Variants in NFIA observed in about 807,000 individuals in gnomAD.
The protein encoded by NFIA is nuclear factor I A, also known as nuclear factor 1 A-type.
In NFIA, 8 loss-of-function variants were observed where a neutral mutation model predicts 62.8. The observed-to-expected ratio is 0.13, with a 90% CI of 0.07 to 0.23. The LOEUF is 0.23. Ranked by LOEUF, NFIA falls within the 10% of genes least tolerant of loss-of-function variation. The pLI is 1.00. For synonymous variants in NFIA, 235 were observed against 238.1 expected, an observed-to-expected ratio of 0.99 and a Z score of 0.12; for missense variants, 410 against 642.1, an observed-to-expected ratio of 0.64 and a Z score of 3.91.
rs1668272417 is a variant in NFIA at position 61,455,686 on chromosome 1, C to T, written c.*366C>T. ...TTCCTGTTGTAACACACTTTCCTTA[C>T]GGAGCCTGGCTGTTTCACAGTATTT... On this transcript the variant is annotated 3_prime_UTR_variant, in exon 11 of 11. Coordinates refer to ENST00000403491, the MANE Select transcript of NFIA (RefSeq NM_001134673.4). The T allele has an allele frequency of 9.6e-6, 3 of 312,178 alleles. No individual in the cohort carries two copies. The highest frequency in any genetic ancestry group is 8.4e-5 in the South Asian group (1 of 11,842). The allele number at this position is 312,178 out of a possible 1,614,324, so 19.3% of individuals were successfully genotyped here.
intron 6 of NFIA, among the ~76,000 whole-genome samples, chr1:61,366,358 A>G (rs1028347508): frequency 5.0e-4 from 76 of 152,346 alleles, no homozygotes; most frequent in African/African-American, 1.7e-3. Flanking sequence ...GAAGTTCAGT[A>G]CTGTGTTTCA....
At position 61,088,360 on chromosome 1, in the gene NFIA, G is replaced by A. The variant is rs867553973; in HGVS notation, c.239G>A (p.Arg80Gln). The change falls in exon 2 of 11, where the codon CGG (arginine) becomes CAG (glutamine). Residue 80 changes from arginine (R) to glutamine (Q), a missense_variant. Arg to Gln is a conservative substitution (Grantham distance 43, BLOSUM62 1). Around this residue, in one of 3 missense-constraint regions of NFIA, gnomAD observed 86 missense variants for 124.6 expected, o/e 0.69. Coordinates refer to ENST00000403491, the MANE Select transcript of NFIA (RefSeq NM_001134673.4). The surrounding 1 kb of genome is among the most constrained non-coding windows in gnomAD (Gnocchi z 4.5). The stretch of plus-strand genomic sequence containing the variant: ...GCATCTCGACTTCTGGCAAAGTTGC[G>A]GAAAGATATCCGACCCGAATATCGA... ...KWASRLLAKL[R>Q]KDIRPEYRED... The A allele has an allele frequency of 1.2e-6, 2 of 1,613,576 alleles. No homozygotes were observed. Among genetic ancestry groups the A allele is most frequent in the Admixed American group, 1.7e-5 (1 of 59,938 alleles).
intron 2 of NFIA, among the ~76,000 whole-genome samples, chr1:61,148,443 C>G (rs570929655): frequency 6.6e-6 from 1 of 152,264 alleles, no homozygotes; most frequent in African/African-American, 2.4e-5. Flanking sequence ...GACTTAGCAC[C>G]TTCTAGAAGA....
At position 61,262,078 on chromosome 1, in the gene NFIA, T is replaced by A. The variant is rs566033030; in HGVS notation, c.560-15442T>A. ...CATTTGATGTTCTGCATGAATTTCT[T>A]CTCTAAGAGTCTTGGGACTTTTAAT... On this transcript the variant is annotated intron_variant, in intron 2 of 10. Transcript: ENST00000403491. Among the ~76,000 whole-genome samples the A allele has an allele frequency of 1.2e-3, 177 of 152,304 alleles. 2 individuals carry two copies. Among genetic ancestry groups the A allele is most frequent in the African/African-American group, 4.0e-3 (166 of 41,570 alleles).
chr1:61,080,287 A>T (rs573571381), upstream of NFIA, among the ~76,000 whole-genome samples: 120 of 132,026 alleles, frequency 9.1e-4, 3 homozygotes, highest in South Asian at 0.026. Context: ...TTCCCCCATT[A>T]AAAAAAAAAA....
intron 2 of NFIA, among the ~76,000 whole-genome samples, chr1:61,201,838 A>T (rs1453759145): frequency 6.6e-6 from 1 of 152,186 alleles, no homozygotes; most frequent in African/African-American, 2.4e-5. Flanking sequence ...CCAAATAAAA[A>T]CTGTCAAATA....
intron 2 of NFIA, among the ~76,000 whole-genome samples, chr1:61,272,773 C>G (rs778392598): frequency 1.3e-5 from 2 of 152,168 alleles, no homozygotes; most frequent in Non-Finnish European, 2.9e-5. Context: ...AAAGTATTCA[C>G]TCCTGTCTTT....
chr1:61,291,572 G>C (rs2100309221), intron 3 of NFIA, among the ~76,000 whole-genome samples: 1 of 152,312 alleles, frequency 6.6e-6, no homozygotes, highest in Non-Finnish European at 1.5e-5. Flanking sequence ...TAGAGGACAA[G>C]GAAACTGAGG....
At chr1:61,264,165 G>C (rs189890874) in intron 2 of NFIA, among the ~76,000 whole-genome samples, 4 of 152,194 alleles carry the variant, frequency 2.6e-5, no homozygotes, top group Admixed American at 2.6e-4. Flanking sequence ...TTAATCAATA[G>C]TCATTCTTTA....
chr1:61,332,362 G>A lies in NFIA; in HGVS notation c.626-150G>A, dbSNP rs1661341581. The A allele has an allele frequency of 9.6e-6, 6 of 625,094 alleles. No individual in the cohort carries two copies. In the South Asian group the frequency reaches 1.4e-4, roughly 15 times the overall value. 38.7% of individuals were successfully genotyped at this position (625,094 alleles called of 1,614,324 possible). The stretch of plus-strand genomic sequence containing the variant: ...CAAAAATCTATCTGCTTAGCTAAAT[G>A]ACTGTGCCCTCCCACATAAACCCCA... On this transcript the variant is annotated intron_variant, in intron 3 of 10. Transcript: ENST00000403491.
chr1:61,198,355 AG>A (rs1652180439), intron 2 of NFIA, among the ~76,000 whole-genome samples: 1 of 152,204 alleles, frequency 6.6e-6, no homozygotes, highest in Non-Finnish European at 1.5e-5. Context: ...GTTTTATATA[AG>A]GGCTTCCTTC....
At chr1:61,292,141 C>A (rs928793996) in intron 3 of NFIA, among the ~76,000 whole-genome samples, 8 of 152,096 alleles carry the variant, frequency 5.3e-5, no homozygotes, top group Non-Finnish European at 1.0e-4. Context: ...TAGAAATAAA[C>A]TTATCGTTTT....
intron 2 of NFIA, among the ~76,000 whole-genome samples, chr1:61,204,187 A>G (rs1282606031): frequency 6.6e-6 from 1 of 152,160 alleles, no homozygotes; most frequent in Non-Finnish European, 1.5e-5. Flanking sequence ...CTTGAAGTGT[A>G]TCTAGTTTAG....
rs1194768274 is a variant in NFIA, at chr1:61,458,345, C to T, written c.*3025C>T. On this transcript the variant is annotated 3_prime_UTR_variant, in exon 11 of 11. Coordinates refer to ENST00000403491, the MANE Select transcript of NFIA (RefSeq NM_001134673.4). ...ATTGGTTGTATATACAATAAAATTG[C>T]ACCCTTTTTTAAACAAAACAAACTA... is the stretch of plus-strand genomic sequence containing the variant. 1 of 152,102 alleles carries T rather than the reference C, an allele frequency of 6.6e-6. No individual in the cohort carries two copies. The highest frequency in any genetic ancestry group is 1.5e-5 in the Non-Finnish European group (1 of 68,028). 9.4% of individuals were successfully genotyped at this position (152,102 alleles called of 1,614,324 possible). A position where few individuals can be genotyped will look rare whatever the true frequency, so the allele number is the denominator to read the frequency against.
At chr1:61,151,557 G>A (rs1648413390) in intron 2 of NFIA, among the ~76,000 whole-genome samples, 2 of 152,096 alleles carry the variant, frequency 1.3e-5, no homozygotes, top group African/African-American at 4.8e-5. Context: ...AGAAAAGAAG[G>A]AATGAGATTT....
chr1:61,266,971 T>A (rs1003650979), intron 2 of NFIA, among the ~76,000 whole-genome samples: 24 of 152,166 alleles, frequency 1.6e-4, no homozygotes, highest in African/African-American at 5.3e-4. Flanking sequence ...AATGAGTCAG[T>A]TGAGGTTCAG....
At chr1:61,236,157 TAAAAAAA>T (rs796914311) in intron 2 of NFIA, among the ~76,000 whole-genome samples, 1 of 138,328 alleles carries the variant, frequency 7.2e-6, no homozygotes, top group African/African-American at 2.7e-5. Context: ...AAGTCCATCT[TAAAAAAA>T]AAAAAAAGGT....
At chr1:61,212,551 A>T (rs1385792147) in intron 2 of NFIA, among the ~76,000 whole-genome samples, 1 of 152,190 alleles carries the variant, frequency 6.6e-6, no homozygotes, top group Non-Finnish European at 1.5e-5. Flanking sequence ...TCTGCTTGTG[A>T]ATTTTAAAGA....
chr1:61,252,069 A>G (rs1223330748), intron 2 of NFIA, among the ~76,000 whole-genome samples: 1 of 152,162 alleles, frequency 6.6e-6, no homozygotes, highest in African/African-American at 2.4e-5. Flanking sequence ...GTCTTTTTCA[A>G]CATTGTATCA....
Sources: allele counts gnomAD v4.1 joint callset (sites outside exome capture counted in the v4.1 genomes callset), GRCh38; gene constraint gnomAD v4.1.1; regional missense constraint gnomAD v4.1.1; non-coding constraint Gnocchi (gnomAD v3.1); transcripts MANE v1.5; gene names NCBI Gene and HGNC (gene_info 2026-07-23, HGNC 2026-07-21).